MTX2: variants seen among roughly 807,000 people sequenced by gnomAD.
MTX2 encodes metaxin-2.
A neutral mutation model predicts 42.3 loss-of-function variants in MTX2; 35 were observed. The ratio of observed to expected loss-of-function variants is 0.83; its 90% CI spans 0.63 to 1.10. The LOEUF (loss-of-function observed/expected upper bound fraction) is 1.10, where lower values mean the gene tolerates loss of function less well. Ranked by LOEUF, MTX2 falls within the 50% of genes least tolerant of loss-of-function variation. The pLI, the probability that MTX2 is intolerant of heterozygous loss-of-function variation, is 0.00. For synonymous variants in MTX2, 119 were observed against 100.9 expected, an observed-to-expected ratio of 1.18 and a Z score of -1.08; for missense variants, 307 against 304.1, an observed-to-expected ratio of 1.01 and a Z score of -0.07.
intron 3 of MTX2, among the ~76,000 whole-genome samples, chr2:176,306,558 C>T (rs986603476): frequency 2.0e-5 from 3 of 152,184 alleles, no homozygotes; most frequent in African/African-American, 7.2e-5. Context: ...TCTCCACATC[C>T]TCTCCAGCAT....
At chr2:176,301,623 G>A (rs1470167513) in intron 3 of MTX2, among the ~76,000 whole-genome samples, 1 of 152,120 alleles carries the variant, frequency 6.6e-6, no homozygotes, top group African/African-American at 2.4e-5. Flanking sequence ...TGCAGACCCA[G>A]GAAGTCTGGA....
intron 4 of MTX2, among the ~76,000 whole-genome samples, chr2:176,325,402 T>C (rs1033379597): frequency 6.6e-6 from 1 of 151,720 alleles, no homozygotes; most frequent in Non-Finnish European, 1.5e-5. Flanking sequence ...CATTATTCAC[T>C]TCTAATTTGT....
intron 1 of MTX2, among the ~76,000 whole-genome samples, chr2:176,273,392 C>G (rs1332188087): frequency 6.6e-6 from 1 of 152,176 alleles, no homozygotes. Flanking sequence ...TCTGGTAGTA[C>G]AGGTTGGAGT....
intron 1 of MTX2, among the ~76,000 whole-genome samples, chr2:176,289,490 C>T (rs1044071163): frequency 1.3e-5 from 2 of 151,968 alleles, no homozygotes; most frequent in African/African-American, 4.8e-5. Flanking sequence ...ACTAACTGGA[C>T]TTTTAATAAC....
intron 1 of MTX2, among the ~76,000 whole-genome samples, chr2:176,282,448 A>G (rs1693102376): frequency 6.6e-6 from 1 of 152,034 alleles, no homozygotes; most frequent in Admixed American, 6.6e-5. Flanking sequence ...GGTTTTTGGT[A>G]AATATCTAAA....
At chr2:176,337,397 A>G (rs1288880190) in intron 9 of MTX2, 96 bp from the exon 10 acceptor site, 2 of 1,067,294 alleles carry the variant, frequency 1.9e-6, no homozygotes, top group African/African-American at 3.3e-5. Context: ...AGTTGAACCT[A>G]CGAGTATGGG....
At chr2:176,312,917 TTTATTC>T (rs1684351514) in intron 3 of MTX2, among the ~76,000 whole-genome samples, 2 of 151,488 alleles carry the variant, frequency 1.3e-5, no homozygotes, top group East Asian at 3.8e-4. Context: ...GTTATTTTCC[TTTATTC>T]TTTTAACATC....
intron 7 of MTX2, 45 bp downstream of exon 7, chr2:176,328,957 A>C (rs139006859): frequency 9.8e-6 from 15 of 1,527,430 alleles, no homozygotes; most frequent in African/African-American, 5.5e-5. Context: ...TTTAATGAGA[A>C]AACACTTTTG....
Position 176,269,484 on chromosome 2 carries a change from A to G in MTX2, c.-146A>G. 1.1e-6 allele frequency: 1 copy of G among 903,474 alleles called. No homozygotes were observed. Among genetic ancestry groups the G allele is most frequent in the East Asian group, 3.2e-5 (1 of 31,570 alleles). 56.0% of individuals were successfully genotyped at this position (903,474 alleles called of 1,614,324 possible). A position where few individuals can be genotyped will look rare whatever the true frequency, so the allele number is the denominator to read the frequency against. ...GCGGTAACCTTGGGGGCCTCACTGC[A>G]GCCGCCGCTGCTGTTGGAGTGGGCT... On this transcript the variant is annotated 5_prime_UTR_variant, in exon 1 of 10. Transcript: ENST00000249442.
chr2:176,320,027 T>C (rs1208236257), intron 3 of MTX2, among the ~76,000 whole-genome samples: 1 of 152,184 alleles, frequency 6.6e-6, no homozygotes, highest in Non-Finnish European at 1.5e-5. Flanking sequence ...GACATCAAAC[T>C]TTTTTGTGAA....
chr2:176,334,155 A>G (rs924805863), intron 9 of MTX2, among the ~76,000 whole-genome samples: 31 of 151,840 alleles, frequency 2.0e-4, no homozygotes, highest in South Asian at 4.1e-4. Flanking sequence ...TTTGCAACAA[A>G]CCACTTCAGG....
chr2:176,293,166 A>G (rs554753386), intron 1 of MTX2, among the ~76,000 whole-genome samples: 2 of 152,352 alleles, frequency 1.3e-5, no homozygotes, highest in South Asian at 4.1e-4. Context: ...TCTAAAGCAT[A>G]AGTAAAAGCA....
At chr2:176,288,951 G>A (rs938602684) in intron 1 of MTX2, among the ~76,000 whole-genome samples, 5 of 151,728 alleles carry the variant, frequency 3.3e-5, no homozygotes, top group Non-Finnish European at 5.9e-5. Context: ...TTTGAAATAC[G>A]TTGATTTGAA....
chr2:176,287,677 A>C (rs1409690653), intron 1 of MTX2, among the ~76,000 whole-genome samples: 1 of 152,144 alleles, frequency 6.6e-6, no homozygotes, highest in East Asian at 1.9e-4. Context: ...TGTGTAGCCA[A>C]AGGAATAGTT....
chr2:176,294,109 CT>C (rs1346486076), intron 1 of MTX2, among the ~76,000 whole-genome samples: 1 of 152,036 alleles, frequency 6.6e-6, no homozygotes, highest in Admixed American at 6.5e-5. Context: ...AATATTCACC[CT>C]TTTCACCTAT....
chr2:176,288,349 A>C (rs1250505936), intron 1 of MTX2, among the ~76,000 whole-genome samples: 1 of 152,078 alleles, frequency 6.6e-6, no homozygotes, highest in Non-Finnish European at 1.5e-5. Flanking sequence ...TATCACTGAT[A>C]TCATTAGTAT....
Position 176,269,549 on chromosome 2 carries a change from G to A in MTX2, c.-81G>A. On this transcript the variant is annotated 5_prime_UTR_variant, in exon 1 of 10. Transcript: ENST00000249442. Reference sequence around the variant, plus strand: ...GTTGGCGGGGCTAGGCTCGTTAACTGCCGAGAGCCTCCGGGTTTGCGGTGG... The same window carrying A: ...GTTGGCGGGGCTAGGCTCGTTAACTACCGAGAGCCTCCGGGTTTGCGGTGG... The A allele has an allele frequency of 6.8e-7, 1 of 1,470,910 alleles. No homozygotes were observed. The allele number at this position is 1,470,910 out of a possible 1,614,324, so 91.1% of individuals were successfully genotyped here. A position where few individuals can be genotyped will look rare whatever the true frequency, so the allele number is the denominator to read the frequency against.
At chr2:176,310,285 T>C (rs1684271070) in intron 3 of MTX2, among the ~76,000 whole-genome samples, 1 of 152,198 alleles carries the variant, frequency 6.6e-6, no homozygotes, top group South Asian at 2.1e-4. Flanking sequence ...GTTAGTCTGA[T>C]GGGCCTCCCT....
chr2:176,334,207 T>G (rs1447162114), intron 9 of MTX2, among the ~76,000 whole-genome samples: 1 of 151,836 alleles, frequency 6.6e-6, no homozygotes, highest in East Asian at 1.9e-4. Context: ...CATTGATAGT[T>G]GAACTCTTTC....
Sources: gnomAD v4.1 joint callset for allele counts (sites outside exome capture counted in the v4.1 genomes callset) on GRCh38, gnomAD v4.1.1 for gene constraint, MANE v1.5 for transcripts, NCBI Gene and HGNC (gene_info 2026-07-23, HGNC 2026-07-21) for gene names.